Variants in PRDX6 observed in about 807,000 individuals in gnomAD.
The protein encoded by PRDX6 is peroxiredoxin 6, also known as peroxiredoxin-6.
Under a neutral mutation model 20.0 loss-of-function variants are expected in PRDX6, and 13 were observed. The observed-to-expected ratio is 0.65, with a 90% CI of 0.42 to 1.03. The LOEUF (loss-of-function observed/expected upper bound fraction) is 1.03. PRDX6 is among the 50% of genes least tolerant of loss of function. The pLI, the probability that PRDX6 is intolerant of heterozygous loss-of-function variation, is 0.00. For synonymous variants in PRDX6, 85 were observed against 100.8 expected (o/e 0.84, Z 0.94); for missense variants, 203 against 276.9 (o/e 0.73, Z 1.89).
At chr1:173,477,875 G>C (rs35794739) in intron 1 of PRDX6, among the ~76,000 whole-genome samples, 1 of 152,336 alleles carries the variant, frequency 6.6e-6, no homozygotes, top group East Asian at 1.9e-4. Context: ...TGTGCAGGTA[G>C]CGTGGTCAGG....
intron 4 of PRDX6, among the ~76,000 whole-genome samples, chr1:173,487,135 T>TTA (rs1169683509): frequency 9.2e-5 from 14 of 152,076 alleles, no homozygotes; most frequent in Admixed American, 8.5e-4. Flanking sequence ...ACAAGTTTAT[T>TTA]AAGTGGTGAT....
chr1:173,479,655 G>C (rs570928930), intron 1 of PRDX6, among the ~76,000 whole-genome samples: 31 of 152,286 alleles, frequency 2.0e-4, no homozygotes, highest in African/African-American at 7.2e-4. Flanking sequence ...TCTTGAAGGA[G>C]GAAACCTTTT....
At chr1:173,486,173 T>C in intron 3 of PRDX6, 82 bp from the exon 4 acceptor site, 1 of 1,255,722 alleles carries the variant, frequency 8.0e-7, no homozygotes, top group Non-Finnish European at 1.1e-6. Context: ...CCTTGAACAT[T>C]ATTAATGACT....
chr1:173,482,273 C>T (rs1327413107), intron 2 of PRDX6, among the ~76,000 whole-genome samples: 4 of 152,218 alleles, frequency 2.6e-5, no homozygotes, highest in African/African-American at 9.6e-5. Flanking sequence ...CAGGACATTT[C>T]ATCAAAGCCT....
In PRDX6 at chr1:173,487,912, T is replaced by C; in HGVS notation, c.*49T>C. ...TGAGCCAGAGGATGTCAGCTGCCAA[T>C]TGTGTTTTCCTGCAGCAATTCCATA... On this transcript the variant is annotated 3_prime_UTR_variant, in exon 5 of 5. Coordinates refer to ENST00000340385, the MANE Select transcript of PRDX6 (RefSeq NM_004905.3). The C allele has an allele frequency of 6.2e-7, 1 of 1,606,128 alleles. No homozygotes were observed. Among genetic ancestry groups the C allele is most frequent in the Non-Finnish European group, 8.5e-7 (1 of 1,176,250 alleles).
At chr1:173,483,977 G>T (rs1234838741) in intron 2 of PRDX6, among the ~76,000 whole-genome samples, 1 of 151,392 alleles carries the variant, frequency 6.6e-6, no homozygotes, top group Non-Finnish European at 1.5e-5. Context: ...GGTGGCGGGT[G>T]CCTGTAATCC....
intron 2 of PRDX6, among the ~76,000 whole-genome samples, chr1:173,483,926 C>T (rs1306784729): frequency 4.0e-5 from 6 of 151,564 alleles, no homozygotes; most frequent in Non-Finnish European, 8.8e-5. Context: ...GATGGCGAAA[C>T]CCCGTTTCTA....
chr1:173,488,408 TTC>T lies in PRDX6; in HGVS notation c.*547_*548del, dbSNP rs149636735. The T allele has an allele frequency of 0.039, 5,955 of 152,466 alleles. 131 individuals carry two copies. The highest frequency in any genetic ancestry group is 0.058 in the Admixed American group (881 of 15,312). The allele number at this position is 152,466 out of a possible 1,614,324, so 9.4% of individuals were successfully genotyped here. A position where few individuals can be genotyped will look rare whatever the true frequency, so the allele number is the denominator to read the frequency against. ...AGAATAACCCAGATGCTCTTTCATA[TTC>T]TTTTAATACATCTTGATCACAGCTG... On this transcript the variant is annotated 3_prime_UTR_variant, in exon 5 of 5. Coordinates refer to ENST00000340385, the MANE Select transcript of PRDX6 (RefSeq NM_004905.3).
In PRDX6 at chr1:173,488,417, T is replaced by C. The variant is rs1466954114; in HGVS notation, c.*554T>C. 6.6e-6 allele frequency: 1 copy of C among 152,344 alleles called. No individual in the cohort carries two copies. 9.4% of individuals were successfully genotyped at this position (152,344 alleles called of 1,614,324 possible). ...CAGATGCTCTTTCATATTCTTTTAA[T>C]ACATCTTGATCACAGCTGGGGGAAA... On this transcript the variant is annotated 3_prime_UTR_variant, in exon 5 of 5. Transcript: ENST00000340385.
intron 2 of PRDX6, among the ~76,000 whole-genome samples, chr1:173,484,294 TTTCTC>T (rs1323506653): frequency 5.3e-5 from 8 of 151,198 alleles, no homozygotes; most frequent in African/African-American, 1.9e-4. Context: ...ATGCCTTTCT[TTTCTC>T]TGTGAAAAAT....
At position 173,487,923 on chromosome 1, in the gene PRDX6, TGCA is replaced by T; in HGVS notation, c.*64_*66del. On this transcript the variant is annotated 3_prime_UTR_variant, in exon 5 of 5. Coordinates refer to ENST00000340385, the MANE Select transcript of PRDX6 (RefSeq NM_004905.3). ...ATGTCAGCTGCCAATTGTGTTTTCCTGCAGCAATTCCATAAACACATCCTGGTG... is the reference window on the plus strand; with the variant it reads ...ATGTCAGCTGCCAATTGTGTTTTCCTGCAATTCCATAAACACATCCTGGTG... 1.2e-6 allele frequency: 2 copies of T among 1,600,486 alleles called. No homozygotes were observed. Among genetic ancestry groups the T allele is most frequent in the Non-Finnish European group, 8.5e-7 (1 of 1,172,390 alleles).
intron 1 of PRDX6, among the ~76,000 whole-genome samples, chr1:173,480,207 TAAG>T (rs2101856679): frequency 6.6e-6 from 1 of 152,354 alleles, no homozygotes; most frequent in Non-Finnish European, 1.5e-5. Context: ...ATCCTTTTTG[TAAG>T]AAGATCTTTT....
Position 173,486,313 on chromosome 1 carries a change from C to A in PRDX6, c.458C>A (p.Thr153Asn), listed in dbSNP as rs971490771. ...LKLSILYPAT[T>N]GRNFDEILRV... ...CTGTCTATCCTCTACCCAGCTACCACTGGCAGGAACTTTGATGAGATTCTC... is the reference window on the plus strand; with the variant it reads ...CTGTCTATCCTCTACCCAGCTACCAATGGCAGGAACTTTGATGAGATTCTC... Residue 153 changes from threonine (T) to asparagine (N), a missense_variant, in exon 4 of 5, where the codon ACT (threonine) becomes AAT (asparagine). Transcript: ENST00000340385. 2 of 1,612,694 alleles carry A rather than the reference C, an allele frequency of 1.2e-6. No homozygotes were observed. Among genetic ancestry groups the A allele is most frequent in the African/African-American group, 2.7e-5 (2 of 74,870 alleles).
intron 2 of PRDX6, among the ~76,000 whole-genome samples, chr1:173,484,170 A>ATT (rs1448680535): frequency 4.5e-5 from 5 of 111,116 alleles, no homozygotes; most frequent in African/African-American, 2.3e-4. Flanking sequence ...ATATATATTT[A>ATT]TATATATACA....
intron 4 of PRDX6, among the ~76,000 whole-genome samples, chr1:173,487,223 T>C (rs1384548470): frequency 6.6e-6 from 1 of 152,132 alleles, no homozygotes; most frequent in African/African-American, 2.4e-5. Flanking sequence ...TGTCAAGGAA[T>C]GCCTGTCTAT....
At chr1:173,481,520 A>G in intron 2 of PRDX6, 38 bp downstream of exon 2, 1 of 1,594,344 alleles carries the variant, frequency 6.3e-7, no homozygotes. Context: ...GCCTGAGATT[A>G]TAGGTCAAGT....
intron 2 of PRDX6, among the ~76,000 whole-genome samples, chr1:173,483,849 T>A (rs1466470351): frequency 3.3e-5 from 5 of 152,000 alleles, no homozygotes; most frequent in Admixed American, 3.3e-4. Context: ...TCGCCTGTAA[T>A]CCCAACACTC....
intron 3 of PRDX6, 33 bp from the exon 4 acceptor site, chr1:173,486,222 C>T: frequency 6.5e-7 from 1 of 1,544,164 alleles, no homozygotes; most frequent in Non-Finnish European, 8.7e-7. Flanking sequence ...ACTCAAAGAA[C>T]TCTTCCTATT....
At chr1:173,480,198 T>A (rs1012213181) in intron 1 of PRDX6, among the ~76,000 whole-genome samples, 1 of 152,220 alleles carries the variant, frequency 6.6e-6, no homozygotes, top group African/African-American at 2.4e-5. Context: ...GGGCCCTCCA[T>A]CCTTTTTGTA....
Sources: gnomAD v4.1 joint callset for allele counts (sites outside exome capture counted in the v4.1 genomes callset) on GRCh38, gnomAD v4.1.1 for gene constraint, MANE v1.5 for transcripts, NCBI Gene and HGNC (gene_info 2026-07-23, HGNC 2026-07-21) for gene names.